PTPRR: variants seen among roughly 807,000 people sequenced by gnomAD.
PTPRR encodes protein tyrosine phosphatase receptor type R.
In PTPRR, 38 loss-of-function variants were observed where a neutral mutation model predicts 77.2. The ratio of observed to expected loss-of-function variants is 0.49; its 90% CI spans 0.38 to 0.65. The LOEUF is 0.65. Ranked by LOEUF, PTPRR falls within the 30% of genes least tolerant of loss-of-function variation. The pLI, the probability that PTPRR is intolerant of heterozygous loss-of-function variation, is 0.00. For missense variants in PTPRR, 744 were observed against 799.2 expected, an observed-to-expected ratio of 0.93 and a Z score of 0.83; for synonymous variants, 299 against 283.1, an observed-to-expected ratio of 1.06 and a Z score of -0.57.
chr12:70,671,872 A>G, intron 10 of PTPRR: 3 of 647,006 alleles, frequency 4.6e-6, no homozygotes, highest in Non-Finnish European at 5.5e-6. Flanking sequence ...TGGCCCCACA[A>G]GCACTAACCC....
At chr12:70,872,706 A>G (rs890587653) in intron 2 of PTPRR, among the ~76,000 whole-genome samples, 1 of 148,858 alleles carries the variant, frequency 6.7e-6, no homozygotes, top group Non-Finnish European at 1.5e-5. Flanking sequence ...AAAAAAAAAA[A>G]AAAAAAAAAA....
intron 2 of PTPRR, among the ~76,000 whole-genome samples, chr12:70,784,117 G>A (rs1891269073): frequency 1.3e-5 from 2 of 152,184 alleles, no homozygotes; most frequent in South Asian, 4.1e-4. Flanking sequence ...CTGCTTGCTC[G>A]GTGGAGCGGG....
chr12:70,732,854 C>A (rs1268849204), intron 6 of PTPRR, among the ~76,000 whole-genome samples: 1 of 151,756 alleles, frequency 6.6e-6, no homozygotes, highest in Non-Finnish European at 1.5e-5. Context: ...CCACTATGCC[C>A]GGCGCATCAT....
At chr12:70,847,314 G>A (rs967092614) in intron 2 of PTPRR, among the ~76,000 whole-genome samples, 1 of 152,176 alleles carries the variant, frequency 6.6e-6, no homozygotes, top group South Asian at 2.1e-4. Context: ...ATTTATTATC[G>A]ATGCACAAAA....
At chr12:70,783,863 C>CGG (rs575602200) in intron 2 of PTPRR, among the ~76,000 whole-genome samples, 23 of 56,628 alleles carry the variant, frequency 4.1e-4, no homozygotes, top group African/African-American at 1.0e-3. Context: ...GTGGGGGGGA[C>CGG]GGGGGGGGGG....
chr12:70,876,653 G>A (rs1325737056), intron 2 of PTPRR, among the ~76,000 whole-genome samples: 1 of 152,150 alleles, frequency 6.6e-6, no homozygotes, highest in Non-Finnish European at 1.5e-5. Flanking sequence ...ATTACCTAGA[G>A]TGTGTGTTTA....
At chr12:70,913,689 T>C (rs961270142) in intron 1 of PTPRR, among the ~76,000 whole-genome samples, 5 of 152,178 alleles carry the variant, frequency 3.3e-5, no homozygotes, top group African/African-American at 1.2e-4. Context: ...TGTATTTACA[T>C]AGAAAATTTT....
chr12:70,691,024 A>T (rs11178369), intron 8 of PTPRR, among the ~76,000 whole-genome samples: 13,044 of 151,152 alleles, frequency 0.086, 871 homozygotes, highest in East Asian at 0.16. Flanking sequence ...TCTATTTTTT[A>T]AAAAAAGGTC....
intron 2 of PTPRR, among the ~76,000 whole-genome samples, chr12:70,802,519 T>C (rs1891635500): frequency 6.6e-6 from 1 of 152,226 alleles, no homozygotes; most frequent in Non-Finnish European, 1.5e-5. Context: ...AAATGTACTG[T>C]TACACTTTTT....
intron 10 of PTPRR, among the ~76,000 whole-genome samples, chr12:70,670,074 G>A (rs763742887): frequency 1.5e-4 from 23 of 152,130 alleles, no homozygotes; most frequent in African/African-American, 2.4e-4. Flanking sequence ...AGATTGAACC[G>A]TTTGCAAAGT....
intron 7 of PTPRR, among the ~76,000 whole-genome samples, chr12:70,700,180 C>T (rs1459630444): frequency 1.3e-5 from 2 of 152,156 alleles, no homozygotes; most frequent in Admixed American, 6.6e-5. Context: ...ATAGTAGATC[C>T]AACCCATTGC....
At chr12:70,727,383 G>A (rs1889480108) in intron 6 of PTPRR, among the ~76,000 whole-genome samples, 1 of 151,770 alleles carries the variant, frequency 6.6e-6, no homozygotes, top group South Asian at 2.1e-4. Context: ...TAAAGATAAG[G>A]TAAAACACAG....
chr12:70,754,986 T>C (rs984228416), intron 4 of PTPRR, among the ~76,000 whole-genome samples: 2 of 152,156 alleles, frequency 1.3e-5, no homozygotes, highest in African/African-American at 4.8e-5. Flanking sequence ...ATTTGTATCA[T>C]TTTTGTTCCA....
intron 6 of PTPRR, among the ~76,000 whole-genome samples, chr12:70,714,921 G>A (rs1888964310): frequency 6.6e-6 from 1 of 152,138 alleles, no homozygotes. Flanking sequence ...GGAGGTTGAG[G>A]CTACAGTGAG....
intron 6 of PTPRR, among the ~76,000 whole-genome samples, chr12:70,733,198 C>T (rs894366212): frequency 1.3e-5 from 2 of 151,890 alleles, no homozygotes; most frequent in African/African-American, 4.8e-5. Context: ...TCATTTGATA[C>T]ACTGTTGTTA....
At chr12:70,821,642 C>CTATG (rs955374743) in intron 2 of PTPRR, among the ~76,000 whole-genome samples, 5 of 151,438 alleles carry the variant, frequency 3.3e-5, no homozygotes, top group Admixed American at 6.6e-5. Context: ...GGGGAGAAAC[C>CTATG]TATGTATGTA....
At chr12:70,772,006 CA>C (rs1289152920) in intron 2 of PTPRR, among the ~76,000 whole-genome samples, 4 of 152,032 alleles carry the variant, frequency 2.6e-5, no homozygotes, top group African/African-American at 9.7e-5. Context: ...AAAATAAAAT[CA>C]AATTATGATA....
intron 2 of PTPRR, among the ~76,000 whole-genome samples, chr12:70,861,997 C>G (rs1037869399): frequency 6.6e-6 from 1 of 152,062 alleles, no homozygotes; most frequent in African/African-American, 2.4e-5. Flanking sequence ...AGTGAGGGCA[C>G]AAGGTAAATA....
intron 4 of PTPRR, among the ~76,000 whole-genome samples, chr12:70,758,695 C>T (rs17108731): frequency 0.029 from 4,428 of 152,132 alleles, 233 homozygotes; most frequent in African/African-American, 0.1. Context: ...GGTGGTTCAC[C>T]TCCTCCTGAC....
Sources: gnomAD v4.1 joint callset for allele counts (sites outside exome capture counted in the v4.1 genomes callset) on GRCh38, gnomAD v4.1.1 for gene constraint, MANE v1.5 for transcripts, NCBI Gene and HGNC (gene_info 2026-07-23, HGNC 2026-07-21) for gene names.